LDLRAP1: variants seen among roughly 807,000 people sequenced by gnomAD.
LDLRAP1 encodes the protein low density lipoprotein receptor adaptor protein 1, also known as low density lipoprotein receptor adapter protein 1.
A neutral mutation model predicts 37.8 loss-of-function variants in LDLRAP1; 30 were observed. That is an observed-to-expected ratio of 0.79 (90% CI 0.59 to 1.08). The LOEUF is 1.08. LDLRAP1 is among the 50% of genes least tolerant of loss of function. The pLI is 0.00. For missense variants in LDLRAP1, 375 were observed against 401.6 expected (o/e 0.93, Z 0.57); for synonymous variants, 156 against 169.8 (o/e 0.92, Z 0.63).
chr1:25,589,673 A>C, the LDLRAP1 span, among the ~76,000 whole-genome samples: 1 of 152,224 alleles, frequency 6.6e-6, no homozygotes, highest in Non-Finnish European at 1.5e-5. Context: ...GCCCTCCAGC[A>C]CTGAAGCTCT....
chr1:25,587,930 G>C, the LDLRAP1 span, among the ~76,000 whole-genome samples: 2 of 152,140 alleles, frequency 1.3e-5, no homozygotes, highest in African/African-American at 4.8e-5. Flanking sequence ...ATTTTGTTCT[G>C]TACTAAGAAA....
rs2044187205 is a variant in LDLRAP1 at position 25,555,946 on chromosome 1, C to A, written c.344+974C>A. On this transcript the variant is annotated intron_variant, in intron 3 of 8. Transcript: ENST00000374338. The surrounding 1 kb of genome is among the most constrained non-coding windows in gnomAD (Gnocchi z 4.7). ...CCAAAAAGGCAAGGAGGAGATCTGC[C>A]TGGGGAAATCCCGGAAGGCCTCCCA... Among the ~76,000 whole-genome samples, 1 of 152,108 alleles carries A rather than the reference C, an allele frequency of 6.6e-6. No homozygotes were observed.
chr1:25,554,143 T>G lies in LDLRAP1; in HGVS notation c.231+79T>G, dbSNP rs1469005971. 1.9e-6 allele frequency: 3 copies of G among 1,556,382 alleles called. No individual in the cohort carries two copies. The Admixed American group carries it at 5.1e-5, about 26-fold the overall frequency. On this transcript the variant is annotated intron_variant, in intron 2 of 8. Transcript: ENST00000374338. The surrounding 1 kb of genome is among the most constrained non-coding windows in gnomAD (Gnocchi z 5.4). ...TTCCCAGGGTGCCCTCGTCCCAGCT[T>G]GTTACTCCAGTTGGGTGTGTCTGAG... is the stretch of plus-strand genomic sequence containing the variant.
chr1:25,580,736 T>C, the LDLRAP1 span, among the ~76,000 whole-genome samples: 1 of 152,178 alleles, frequency 6.6e-6, no homozygotes, highest in African/African-American at 2.4e-5. Flanking sequence ...GGTCTCGAAC[T>C]CTTGGTCTCA....
intron 1 of LDLRAP1, among the ~76,000 whole-genome samples, chr1:25,547,208 C>T (rs999062781): frequency 1.1e-4 from 17 of 152,040 alleles, no homozygotes; most frequent in Non-Finnish European, 1.9e-4. Flanking sequence ...ACCAGCAGGG[C>T]GCGGTGGCTC....
chr1:25,585,370 G>T, the LDLRAP1 span, among the ~76,000 whole-genome samples: 22 of 150,988 alleles, frequency 1.5e-4, no homozygotes, highest in African/African-American at 5.1e-4. Context: ...CTGTCGCCCA[G>T]GCTGGAGTGC....
rs924883029 is a variant in LDLRAP1 at position 25,554,509 on chromosome 1, A to G, written c.232-351A>G. Among the ~76,000 whole-genome samples, 1 of 152,222 alleles carries G rather than the reference A, an allele frequency of 6.6e-6. No individual in the cohort carries two copies. Among genetic ancestry groups the G allele is most frequent in the Non-Finnish European group, 1.5e-5 (1 of 68,032 alleles). On this transcript the variant is annotated intron_variant, in intron 2 of 8. Coordinates refer to ENST00000374338, the MANE Select transcript of LDLRAP1 (RefSeq NM_015627.3). This position sits in a 1 kb window ranked among gnomAD's most constrained non-coding sequence, Gnocchi z 5.4. ...CCCCTCAGCTCAATGGATGGAGCAGAGTACTCAGGAGTCATCCTGCTGGGT... is the reference window on the plus strand; with the variant it reads ...CCCCTCAGCTCAATGGATGGAGCAGGGTACTCAGGAGTCATCCTGCTGGGT...
chr1:25,557,356 A>C, intron 4 of LDLRAP1, 89 bp downstream of exon 4: 2 of 1,004,230 alleles, frequency 2.0e-6, no homozygotes, highest in Middle Eastern at 4.3e-4. Context: ...GGGAGGCAGG[A>C]CCCAAAGGTG....
the LDLRAP1 span, among the ~76,000 whole-genome samples, chr1:25,586,348 T>A: frequency 6.6e-6 from 1 of 152,078 alleles, no homozygotes; most frequent in Non-Finnish European, 1.5e-5. This position sits in a 1 kb window ranked among gnomAD's most constrained non-coding sequence, Gnocchi z 4.3. Flanking sequence ...CCTGCACTCA[T>A]CTCTGGGCCT....
At chr1:25,580,692 T>G in the LDLRAP1 span, among the ~76,000 whole-genome samples, 1 of 152,132 alleles carries the variant, frequency 6.6e-6, no homozygotes, top group African/African-American at 2.4e-5. Context: ...AATTTTTTTT[T>G]GTAGAGATGG....
chr1:25,558,160 C>T lies in LDLRAP1; in HGVS notation c.459+893C>T, dbSNP rs191776104. On this transcript the variant is annotated intron_variant, in intron 4 of 8. Transcript: ENST00000374338. The stretch of plus-strand genomic sequence containing the variant: ...CATTGCAGCTTTTGTTTCTGAGACC[C>T]CCAGGATCTGAGCATTCTCCCTATA... Among the ~76,000 whole-genome samples the T allele has an allele frequency of 1.6e-3, 248 of 152,212 alleles. 4 individuals are homozygous for T. Among genetic ancestry groups the T allele is most frequent in the Non-Finnish European group, 4.3e-4 (29 of 68,008 alleles).
downstream of LDLRAP1, among the ~76,000 whole-genome samples, chr1:25,573,084 G>T (rs2044627042): frequency 6.7e-6 from 1 of 149,172 alleles, no homozygotes; most frequent in African/African-American, 2.5e-5. Flanking sequence ...AACAGGGGCT[G>T]CTTTGCGGGG....
intron 1 of LDLRAP1, among the ~76,000 whole-genome samples, chr1:25,551,994 G>T (rs569131156): frequency 6.6e-6 from 1 of 152,272 alleles, no homozygotes; most frequent in South Asian, 2.1e-4. Flanking sequence ...CCCCAGCCCT[G>T]ACACCCGCAC....
At chr1:25,549,289 C>T (rs925563544) in intron 1 of LDLRAP1, among the ~76,000 whole-genome samples, 3 of 152,210 alleles carry the variant, frequency 2.0e-5, no homozygotes, top group African/African-American at 4.8e-5. Flanking sequence ...GTCACTCTGG[C>T]CTCTGAGGCC....
chr1:25,546,696 G>T (rs748575088), intron 1 of LDLRAP1, among the ~76,000 whole-genome samples: 1 of 152,170 alleles, frequency 6.6e-6, no homozygotes, highest in East Asian at 1.9e-4. Flanking sequence ...GGAGGTGCAG[G>T]TTCCAGTAAA....
the LDLRAP1 span, chr1:25,581,704 G>A: frequency 0.27 from 40,606 of 152,328 alleles, 5,999 homozygotes; most frequent in East Asian, 0.43. Flanking sequence ...CCCGGGAGGG[G>A]CAGGGACCTG....
intron 8 of LDLRAP1, among the ~76,000 whole-genome samples, chr1:25,565,427 C>G (rs1436996119): frequency 6.6e-6 from 1 of 152,196 alleles, no homozygotes; most frequent in South Asian, 2.1e-4. Context: ...AAAGTTCTTA[C>G]TGTTGAGTCA....
intron 3 of LDLRAP1, among the ~76,000 whole-genome samples, 170 bp from the exon 4 acceptor site, chr1:25,556,983 C>G (rs956503324): frequency 6.6e-6 from 1 of 152,162 alleles, no homozygotes. Flanking sequence ...CCCTCCTGCA[C>G]AGATGGCCTA....
chr1:25,577,305 G>C, the LDLRAP1 span, among the ~76,000 whole-genome samples: 4 of 152,160 alleles, frequency 2.6e-5, no homozygotes, highest in East Asian at 1.9e-4. Flanking sequence ...GAGGTGGAGT[G>C]GGGGAGGGGC....
Sources: gnomAD v4.1 joint callset for allele counts (sites outside exome capture counted in the v4.1 genomes callset) on GRCh38, gnomAD v4.1.1 for gene constraint, Gnocchi (gnomAD v3.1) non-coding constraint, MANE v1.5 for transcripts, NCBI Gene and HGNC (gene_info 2026-07-23, HGNC 2026-07-21) for gene names.